Variants in COL24A1 observed in about 807,000 individuals in gnomAD.
COL24A1 encodes collagen alpha-1(XXIV) chain.
In COL24A1, 224 loss-of-function variants were observed where a neutral mutation model predicts 253.9. The observed-to-expected ratio is 0.88, with a 90% CI of 0.79 to 0.99. COL24A1 has a LOEUF of 0.99. Ranked by LOEUF, COL24A1 falls within the 50% of genes least tolerant of loss-of-function variation. The pLI, the probability that COL24A1 is intolerant of heterozygous loss-of-function variation, is 0.00. For synonymous variants in COL24A1, 685 were observed against 673.7 expected, an observed-to-expected ratio of 1.02 and a Z score of -0.26; for missense variants, 2,131 against 2,068.5, an observed-to-expected ratio of 1.03 and a Z score of -0.59.
chr1:85,768,636 A>G (rs1378021926), intron 53 of COL24A1, among the ~76,000 whole-genome samples: 2 of 151,988 alleles, frequency 1.3e-5, no homozygotes, highest in Non-Finnish European at 2.9e-5. Context: ...ACACATATTC[A>G]GATCTGGAAA....
intron 53 of COL24A1, among the ~76,000 whole-genome samples, chr1:85,762,508 T>A (rs1055796225): frequency 7.9e-5 from 12 of 152,196 alleles, no homozygotes; most frequent in African/African-American, 7.2e-5. Context: ...GAATGAATGA[T>A]GTTAAAATTA....
chr1:85,982,113 T>C (rs1210461095), intron 20 of COL24A1, among the ~76,000 whole-genome samples: 4 of 152,158 alleles, frequency 2.6e-5, no homozygotes, highest in Non-Finnish European at 5.9e-5. Flanking sequence ...CCTGTCATGT[T>C]ACCAGATGGA....
intron 24 of COL24A1, among the ~76,000 whole-genome samples, chr1:85,914,441 A>G (rs1685678456): frequency 7.1e-6 from 1 of 141,696 alleles, no homozygotes; most frequent in South Asian, 2.2e-4. Context: ...CCCAGCTTGG[A>G]GTGCAATGGC....
chr1:85,816,197 G>T (rs978343029), intron 47 of COL24A1, among the ~76,000 whole-genome samples: 2 of 152,044 alleles, frequency 1.3e-5, no homozygotes, highest in Admixed American at 6.5e-5. Context: ...CCTCACAGGG[G>T]TAGACACATA....
intron 39 of COL24A1, among the ~76,000 whole-genome samples, chr1:85,846,863 A>G (rs1301801818): frequency 2.0e-5 from 3 of 152,112 alleles, no homozygotes; most frequent in Admixed American, 6.5e-5. Context: ...CCCAGTAAGG[A>G]ATAGAATACC....
Position 85,877,243 on chromosome 1 carries a change from G to T in COL24A1, c.2977-68C>A. 6 of 1,105,310 alleles carry T rather than the reference G, an allele frequency of 5.4e-6. No homozygotes were observed. In the South Asian group the frequency reaches 9.3e-5, roughly 17 times the overall value. 68.5% of individuals were successfully genotyped at this position (1,105,310 alleles called of 1,614,324 possible). ...TCTATGTCAGTAAATGTATTCATCT[G>T]GATATGGGTTTTATAATATAACACA... On this transcript the variant is annotated intron_variant, in intron 32 of 59. Transcript: ENST00000370571.
At chr1:86,068,016 A>AC (rs1439820145) in intron 7 of COL24A1, among the ~76,000 whole-genome samples, 2 of 152,268 alleles carry the variant, frequency 1.3e-5, no homozygotes, top group Admixed American at 1.3e-4. Flanking sequence ...AAAACACATT[A>AC]CAATGAATTA....
chr1:86,097,038 C>T (rs191812067), intron 5 of COL24A1, among the ~76,000 whole-genome samples: 71 of 152,288 alleles, frequency 4.7e-4, no homozygotes, highest in African/African-American at 1.2e-3. Context: ...CTATCACTGA[C>T]GCTCTGTTTT....
intron 45 of COL24A1, among the ~76,000 whole-genome samples, chr1:85,819,891 A>G (rs1673438508): frequency 7.1e-6 from 1 of 141,078 alleles, no homozygotes; most frequent in Admixed American, 7.6e-5. Context: ...TCTGTCACCC[A>G]GGTTGGAGTA....
intron 2 of COL24A1, among the ~76,000 whole-genome samples, chr1:86,134,341 C>T (rs1157076370): frequency 6.6e-6 from 1 of 151,468 alleles, no homozygotes; most frequent in Non-Finnish European, 1.5e-5. Context: ...TTTGTGTCTC[C>T]ATTTCCTTCA....
intron 7 of COL24A1, among the ~76,000 whole-genome samples, chr1:86,072,232 C>A (rs891057497): frequency 6.6e-6 from 1 of 152,186 alleles, no homozygotes; most frequent in Non-Finnish European, 1.5e-5. Flanking sequence ...TCCACCCCCA[C>A]AGAGCCCATG....
chr1:85,762,482 T>A (rs1666934213), intron 53 of COL24A1, among the ~76,000 whole-genome samples: 1 of 152,194 alleles, frequency 6.6e-6, no homozygotes, highest in Non-Finnish European at 1.5e-5. Context: ...TGTACAAAAC[T>A]TGTACATAAT....
At position 85,738,836 on chromosome 1, in the gene COL24A1, G is replaced by T. The variant is rs1282781140; in HGVS notation, c.4673-1331C>A. On this transcript the variant is annotated intron_variant, in intron 57 of 59. Coordinates refer to ENST00000370571, the MANE Select transcript of COL24A1 (RefSeq NM_152890.7). ...TAAATGCTTACTTGCTTAATTGGTAGCTCAAAGGGTAGAAATGGTCCTCAG... is the reference window on the plus strand; with the variant it reads ...TAAATGCTTACTTGCTTAATTGGTATCTCAAAGGGTAGAAATGGTCCTCAG... Among the ~76,000 whole-genome samples the T allele has an allele frequency of 8.5e-5, 13 of 152,112 alleles. No individual in the cohort carries two copies. The East Asian group carries it at 1.2e-3, about 14-fold the overall frequency.
intron 47 of COL24A1, among the ~76,000 whole-genome samples, 178 bp downstream of exon 47, chr1:85,816,610 T>C (rs1234775804): frequency 6.6e-6 from 1 of 152,224 alleles, no homozygotes; most frequent in African/African-American, 2.4e-5. Context: ...CTGAAGAGAA[T>C]GTACCTATTG....
intron 39 of COL24A1, among the ~76,000 whole-genome samples, chr1:85,844,113 A>AAAAG (rs561829566): frequency 2.0e-5 from 3 of 152,150 alleles, no homozygotes; most frequent in Admixed American, 6.5e-5. Context: ...CCAAAAAAGG[A>AAAAG]AAAGAAAGAA....
At chr1:86,092,123 G>T (rs1703536235) in intron 6 of COL24A1, 144 bp downstream of exon 6, 1 of 625,926 alleles carries the variant, frequency 1.6e-6, no homozygotes, top group Non-Finnish European at 2.7e-6. Flanking sequence ...TCTTCAAATA[G>T]TTCTTCCTTC....
At chr1:86,001,034 A>G (rs1695344929) in intron 19 of COL24A1, among the ~76,000 whole-genome samples, 2 of 152,296 alleles carry the variant, frequency 1.3e-5, no homozygotes, top group South Asian at 4.1e-4. Context: ...GCAGACAAAA[A>G]CCAGTATGGA....
chr1:85,904,110 T>C (rs1417038106), intron 28 of COL24A1, among the ~76,000 whole-genome samples: 1 of 152,174 alleles, frequency 6.6e-6, no homozygotes, highest in East Asian at 1.9e-4. Context: ...ACTTCCTCCA[T>C]AGAAAACCTT....
At chr1:86,105,972 T>C (rs2102085623) in intron 5 of COL24A1, among the ~76,000 whole-genome samples, 1 of 152,278 alleles carries the variant, frequency 6.6e-6, no homozygotes, top group East Asian at 1.9e-4. Flanking sequence ...GTGCCCTTTC[T>C]CTACAGATCT....
Sources: allele counts gnomAD v4.1 joint callset (sites outside exome capture counted in the v4.1 genomes callset), GRCh38; gene constraint gnomAD v4.1.1; transcripts MANE v1.5; gene names NCBI Gene and HGNC (gene_info 2026-07-23, HGNC 2026-07-21).